MAGEC1: variants seen among roughly 807,000 people sequenced by gnomAD.
MAGEC1 encodes the protein melanoma-associated antigen C1.
Under a neutral mutation model 1.5 loss-of-function variants are expected in MAGEC1, and 3 were observed. The observed-to-expected ratio is 1.97, with a 90% CI of 0.90 to 5.10. The LOEUF is 5.10. Among genes scored for constraint, MAGEC1 ranks in the 30% most tolerant of loss-of-function variants. The probability of loss-of-function intolerance (pLI) is 0.02; values close to 1 mark genes in which losing one functional copy is unlikely to be tolerated. For missense variants in MAGEC1, 985 were observed against 803.1 expected (o/e 1.23, Z -2.74); for synonymous variants, 357 against 310.4 (o/e 1.15, Z -1.58).
chrX:141,907,146 C>T lies in MAGEC1; in HGVS notation c.1742C>T (p.Pro581Leu), dbSNP rs1199984306. 2.5e-6 allele frequency: 3 copies of T among 1,206,117 alleles called. No homozygotes were observed. The highest frequency in any genetic ancestry group is 4.4e-5 in the Admixed American group (2 of 45,481). The change falls in exon 4 of 4, where the codon CCT becomes CTT. Residue 581 changes from proline to leucine, a missense_variant. Physicochemically the swap from Pro to Leu is moderately conservative, Grantham distance 98. Transcript: ENST00000285879. ...GEDSLSPHYF[P>L]QSPQGEDSLS... ...GACTCCCTGTCTCCTCACTACTTTC[C>T]TCAGAGCCCTCAGGGGGAGGACTCC...
rs1477243513 is a variant in MAGEC1, at chrX:141,907,761, C to T, written c.2357C>T (p.Thr786Ile). The T allele has an allele frequency of 8.3e-6, 10 of 1,207,842 alleles. No homozygotes were observed. Among genetic ancestry groups the T allele is most frequent in the Non-Finnish European group, 1.1e-5 (10 of 894,513 alleles). The change falls in exon 4 of 4, where the codon ACT (threonine) becomes ATT (isoleucine). Residue 786 changes from threonine (T) to isoleucine (I), a missense_variant. Physicochemically the swap from Thr to Ile is moderately conservative, Grantham distance 89. Transcript: ENST00000285879. ...CCTGTCAGCTCCTTCTTCTCCTACA[C>T]TTTAGCGAGTCTTCTCCAAAGTTCC... ...QRPVSSFFSYTLASLLQSSHE... is the reference protein window; with the variant it reads ...QRPVSSFFSYILASLLQSSHE...
chrX:141,906,870 C>G lies in MAGEC1; in HGVS notation c.1466C>G (p.Ser489Cys). ...QIPVSSSSSS[S>C]TLLSLFQSSP... ...CCTGTGAGCTCCTCCTCCTCCTCCTCCACTTTATTGAGTCTTTTCCAGAGT... is the reference window on the plus strand; with the variant it reads ...CCTGTGAGCTCCTCCTCCTCCTCCTGCACTTTATTGAGTCTTTTCCAGAGT... Residue 489 changes from serine to cysteine, a missense_variant, in exon 4 of 4, where the codon TCC becomes TGC. By Grantham distance (112) the Ser-to-Cys change is moderately radical (BLOSUM62 -1). Transcript: ENST00000285879. The G allele has an allele frequency of 2.5e-6, 3 of 1,210,069 alleles. No homozygotes were observed. In the African/African-American group the frequency reaches 5.2e-5, roughly 21 times the overall value.
chrX:141,905,045 C>G lies in MAGEC1; in HGVS notation c.-28C>G, dbSNP rs373076692. ...GAGCACCACCTTAAGAGAAGAAGAG[C>G]TGTAAGCCGGCCTTTGTCAGAGCCA... is the stretch of plus-strand genomic sequence containing the variant. On this transcript the variant is annotated 5_prime_UTR_variant, in exon 3 of 4. Transcript: ENST00000285879. 14 of 1,210,483 alleles carry G rather than the reference C, an allele frequency of 1.2e-5. No individual in the cohort carries two copies. In the African/African-American group the frequency reaches 2.3e-4, roughly 20 times the overall value.
Position 141,903,911 on chromosome X carries a change from C to A in MAGEC1, c.-269C>A, listed in dbSNP as rs749492248. 77 of 137,662 alleles carry A rather than the reference C, an allele frequency of 5.6e-4. No individual in the cohort carries two copies. The highest frequency in any genetic ancestry group is 1.1e-3 in the Non-Finnish European group (71 of 66,154). 11.3% of individuals were successfully genotyped at this position (137,662 alleles called of 1,213,427 possible). ...TCTTGGGAGTCTGAAGGACCTGAGG[C>A]ATTTTGTGACGAGGATCGTCTCAGG... On this transcript the variant is annotated 5_prime_UTR_variant, in exon 1 of 4. Coordinates refer to ENST00000285879, the MANE Select transcript of MAGEC1 (RefSeq NM_005462.5).
chrX:141,907,578 A>G lies in MAGEC1; in HGVS notation c.2174A>G (p.His725Arg). Residue 725 changes from histidine (H) to arginine (R), a missense_variant, in exon 4 of 4, where the codon CAC (histidine) becomes CGC (arginine). His to Arg is a conservative substitution (Grantham distance 29, BLOSUM62 0). Coordinates refer to ENST00000285879, the MANE Select transcript of MAGEC1 (RefSeq NM_005462.5). ...PEWEDSLSPL[H>R]FPQFPPQGED... ...TGGGAGGACTCCCTCTCTCCTCTCC[A>G]CTTTCCTCAGTTTCCTCCTCAGGGG... The G allele has an allele frequency of 8.3e-7, 1 of 1,201,813 alleles. No homozygotes were observed. The highest frequency in any genetic ancestry group is 1.8e-5 in the African/African-American group (1 of 54,717).
Position 141,908,176 on chromosome X carries a change from A to C in MAGEC1, c.2772A>C (p.Gln924His). Residue 924 changes from glutamine (Q) to histidine (H), a missense_variant, in exon 4 of 4, where the codon CAA (glutamine) becomes CAC (histidine). Gln to His is a conservative substitution (Grantham distance 24). Transcript: ENST00000285879. Reference sequence around the variant, plus strand: ...CGCGGTTTCTTCTCCTCAAATATCAAGTGAAGCAGCCTATCACAAAGGCAG... The same window carrying C: ...CGCGGTTTCTTCTCCTCAAATATCACGTGAAGCAGCCTATCACAAAGGCAG... ...ELARFLLLKY[Q>H]VKQPITKAEM... 1 of 1,211,792 alleles carries C rather than the reference A, an allele frequency of 8.3e-7. No individual in the cohort carries two copies. The highest frequency in any genetic ancestry group is 1.1e-6 in the Non-Finnish European group (1 of 895,558).
At position 141,906,059 on chromosome X, in the gene MAGEC1, G is replaced by T; in HGVS notation, c.655G>T (p.Glu219Ter). 9.0e-7 allele frequency: 1 copy of T among 1,105,128 alleles called. No individual in the cohort carries two copies. 91.1% of individuals were successfully genotyped at this position (1,105,128 alleles called of 1,213,427 possible). ...TLLSIFQSSPERTQSTFEGFA... is the reference protein window; with the variant it reads ...TLLSIFQSSP ...ATTGAGTATTTTCCAGAGTTCCCCT[G>T]AGAGAACTCAGAGTACTTTTGAGGG... Residue 219 changes from glutamate to a stop codon, truncating the protein, a stop_gained, in exon 4 of 4, where the codon GAG becomes TAG. Coordinates refer to ENST00000285879, the MANE Select transcript of MAGEC1 (RefSeq NM_005462.5). LOFTEE classifies it low-confidence loss of function (END_TRUNC).
intron 3 of MAGEC1, 60 bp from the exon 4 acceptor site, chrX:141,905,349 C>T (rs766490096): frequency 1.5e-5 from 16 of 1,053,945 alleles, no homozygotes; most frequent in Admixed American, 1.5e-4. Flanking sequence ...TTATTCCCCT[C>T]GTCCTCCTCC....
At chrX:141,904,860 A>T in intron 2 of MAGEC1, 46 bp downstream of exon 2, 1 of 490,153 alleles carries the variant, frequency 2.0e-6, no homozygotes, top group Non-Finnish European at 3.5e-6. Flanking sequence ...ACCCCCAGAA[A>T]CAGGGCAGAC....
In MAGEC1 at chrX:141,908,384, A is replaced by G; in HGVS notation, c.2980A>G (p.Met994Val). The change falls in exon 4 of 4, where the codon ATG (methionine) becomes GTG (valine). Residue 994 changes from methionine (M) to valine (V), a missense_variant. By Grantham distance (21) the Met-to-Val change is conservative. Coordinates refer to ENST00000285879, the MANE Select transcript of MAGEC1 (RefSeq NM_005462.5). Reference protein sequence around the residue: ...SEGCLSDEQGMSQNRLLILIL... With the variant: ...SEGCLSDEQGVSQNRLLILIL... The stretch of plus-strand genomic sequence containing the variant: ...GGGGTGTCTGAGTGATGAGCAGGGC[A>G]TGTCCCAGAACCGCCTCCTGATTCT... 2 of 1,211,436 alleles carry G rather than the reference A, an allele frequency of 1.7e-6. No homozygotes were observed. The highest frequency in any genetic ancestry group is 1.7e-5 in the African/African-American group (1 of 57,720).
Position 141,906,161 on chromosome X carries a change from T to A in MAGEC1, c.757T>A (p.Ser253Thr), listed in dbSNP as rs148942485. 2.2e-6 allele frequency: 1 copy of A among 450,249 alleles called. No homozygotes were observed. The highest frequency in any genetic ancestry group is 3.0e-6 in the Non-Finnish European group (1 of 336,647). 37.1% of individuals were successfully genotyped at this position (450,249 alleles called of 1,213,427 possible). The change falls in exon 4 of 4, where the codon TCT becomes ACT. Residue 253 changes from serine to threonine, a missense_variant. Ser to Thr is a moderately conservative substitution (Grantham distance 58, BLOSUM62 1). Coordinates refer to ENST00000285879, the MANE Select transcript of MAGEC1 (RefSeq NM_005462.5). Reference sequence around the variant, plus strand: ...TTTACTGAGTCTTTTCCAGAGTTTCTCTGAGAGAACTCAGAGTACTTTTGA... The same window carrying A: ...TTTACTGAGTCTTTTCCAGAGTTTCACTGAGAGAACTCAGAGTACTTTTGA... Reference protein sequence around the residue: ...STLLSLFQSFSERTQSTFEGF... With the variant: ...STLLSLFQSFTERTQSTFEGF...
Position 141,907,673 on chromosome X carries a change from C to T in MAGEC1, c.2269C>T (p.Gln757Ter). The T allele has an allele frequency of 8.3e-7, 1 of 1,209,234 alleles. No individual in the cohort carries two copies. Among genetic ancestry groups the T allele is most frequent in the Non-Finnish European group, 1.1e-6 (1 of 894,315 alleles). ...CSSSTSLSLPQSFPESPQSPP... is the reference protein window; with the variant it reads ...CSSSTSLSLP ...CTCCTCCACTTCTTTGAGTCTTCCC[C>T]AGAGTTTCCCTGAGAGTCCTCAGAG... Residue 757 changes from glutamine (Q) to a stop codon, truncating the protein, a stop_gained, in exon 4 of 4, where the codon CAG (glutamine) becomes TAG (stop). Coordinates refer to ENST00000285879, the MANE Select transcript of MAGEC1 (RefSeq NM_005462.5). LOFTEE classifies it low-confidence loss of function (END_TRUNC).
rs907786261 is a variant in MAGEC1, at chrX:141,904,668, G to T, written c.-201-49G>T. On this transcript the variant is annotated intron_variant, in intron 1 of 3. Transcript: ENST00000285879. ...TTGTGGGACTCTGGGAGTCTGGCCAGCCCCAGCTGCCGTCTTAGCTGGAGG... is the reference window on the plus strand; with the variant it reads ...TTGTGGGACTCTGGGAGTCTGGCCATCCCCAGCTGCCGTCTTAGCTGGAGG... 13 of 186,906 alleles carry T rather than the reference G, an allele frequency of 7.0e-5. No individual in the cohort carries two copies. In the East Asian group the frequency reaches 1.5e-3, roughly 22 times the overall value. 15.4% of individuals were successfully genotyped at this position (186,906 alleles called of 1,213,427 possible).
rs771936699 is a variant in MAGEC1, at chrX:141,908,776, G to A, written c.3372G>A (p.Ser1124=). The change falls in exon 4 of 4, where the codon TCG becomes TCA. Residue 1124 remains serine (S), a synonymous_variant. Coordinates refer to ENST00000285879, the MANE Select transcript of MAGEC1 (RefSeq NM_005462.5). ...AQAIIDTTDD[S]TATESASSSV... Reference sequence around the variant, plus strand: ...CCATAATTGACACCACAGATGATTCGACTGCCACAGAAAGTGCAAGCTCCA... The same window carrying A: ...CCATAATTGACACCACAGATGATTCAACTGCCACAGAAAGTGCAAGCTCCA... The A allele has an allele frequency of 6.6e-6, 8 of 1,207,961 alleles. 1 individual carries two copies. The highest frequency in any genetic ancestry group is 3.0e-5 in the East Asian group (1 of 33,704).
chrX:141,907,736 C>A lies in MAGEC1; in HGVS notation c.2332C>A (p.Pro778Thr). 8.3e-7 allele frequency: 1 copy of A among 1,210,519 alleles called. No individual in the cohort carries two copies. Among genetic ancestry groups the A allele is most frequent in the South Asian group, 1.8e-5 (1 of 56,730 alleles). The change falls in exon 4 of 4, where the codon CCT becomes ACT. Residue 778 changes from proline to threonine, a missense_variant. By Grantham distance (38) the Pro-to-Thr change is conservative (BLOSUM62 -1). Transcript: ENST00000285879. ...EGPAQSPLQR[P>T]VSSFFSYTLA... ...GCCTGCTCAGTCTCCTCTCCAGAGA[C>A]CTGTCAGCTCCTTCTTCTCCTACAC...
chrX:141,907,264 A>C lies in MAGEC1; in HGVS notation c.1860A>C (p.Glu620Asp), dbSNP rs1380259255. 1 of 1,198,199 alleles carries C rather than the reference A, an allele frequency of 8.3e-7. No homozygotes were observed. Among genetic ancestry groups the C allele is most frequent in the Non-Finnish European group, 1.1e-6 (1 of 890,871 alleles). Residue 620 changes from glutamate to aspartate, a missense_variant, in exon 4 of 4, where the codon GAA (glutamate) becomes GAC (aspartate). Coordinates refer to ENST00000285879, the MANE Select transcript of MAGEC1 (RefSeq NM_005462.5). Reference protein sequence around the residue: ...YFPQSPLQGEEFQSSLQSPVS... With the variant: ...YFPQSPLQGEDFQSSLQSPVS... ...CTCAGAGTCCTCTTCAGGGGGAGGA[A>C]TTCCAGTCTTCTCTCCAGAGCCCTG...
chrX:141,907,586 C>T lies in MAGEC1; in HGVS notation c.2182C>T (p.Gln728Ter). 8.3e-7 allele frequency: 1 copy of T among 1,208,346 alleles called. No homozygotes were observed. ...CTCCCTCTCTCCTCTCCACTTTCCT[C>T]AGTTTCCTCCTCAGGGGGAGGACTT... is the stretch of plus-strand genomic sequence containing the variant. Reference protein sequence around the residue: ...EDSLSPLHFPQFPPQGEDFQS... With the variant: ...EDSLSPLHFP Residue 728 changes from glutamine (Q) to a stop codon, truncating the protein, a stop_gained, in exon 4 of 4, where the codon CAG becomes TAG. Transcript: ENST00000285879. LOFTEE classifies it low-confidence loss of function (END_TRUNC).
At position 141,903,919 on chromosome X, in the gene MAGEC1, G is replaced by T; in HGVS notation, c.-261G>T. On this transcript the variant is annotated 5_prime_UTR_variant, in exon 1 of 4. Coordinates refer to ENST00000285879, the MANE Select transcript of MAGEC1 (RefSeq NM_005462.5). ...GTCTGAAGGACCTGAGGCATTTTGT[G>T]ACGAGGATCGTCTCAGGTCAGCGGA... The T allele has an allele frequency of 7.3e-6, 1 of 137,279 alleles. No individual in the cohort carries two copies. The highest frequency in any genetic ancestry group is 2.2e-4 in the South Asian group (1 of 4,501). 11.3% of individuals were successfully genotyped at this position (137,279 alleles called of 1,213,427 possible). A position where few individuals can be genotyped will look rare whatever the true frequency, so the allele number is the denominator to read the frequency against.
intron 1 of MAGEC1, among the ~76,000 whole-genome samples, chrX:141,904,184 A>C (rs1284522805): frequency 9.0e-6 from 1 of 111,292 alleles, no homozygotes; most frequent in East Asian, 2.9e-4. Context: ...GACCGGGGGA[A>C]CCCCCACCTC....
Sources: gnomAD v4.1 joint callset for allele counts (sites outside exome capture counted in the v4.1 genomes callset) on GRCh38, gnomAD v4.1.1 for gene constraint, MANE v1.5 for transcripts, NCBI Gene and HGNC (gene_info 2026-07-23, HGNC 2026-07-21) for gene names.